Variants in SHOC2 observed in about 807,000 individuals in gnomAD.
The protein encoded by SHOC2 is leucine-rich repeat protein SHOC-2.
In SHOC2, 4 loss-of-function variants were observed where a neutral mutation model predicts 50.2. The ratio of observed to expected loss-of-function variants is 0.08; its 90% confidence interval spans 0.04 to 0.18. The LOEUF is 0.18. Among genes scored for constraint, SHOC2 ranks in the 10% least tolerant of loss-of-function variants. The pLI is 1.00. For synonymous variants in SHOC2, 218 were observed against 244.5 expected (o/e 0.89, Z 1.01); for missense variants, 388 against 669.6 (o/e 0.58, Z 4.64).
intron 1 of SHOC2, among the ~76,000 whole-genome samples, chr10:110,949,130 G>A (rs1847303098): frequency 6.6e-6 from 1 of 152,028 alleles, no homozygotes; most frequent in Non-Finnish European, 1.5e-5. Flanking sequence ...ATGAAATAGG[G>A]ACTAGAACAA....
chr10:110,979,224 G>T (rs1847928987), intron 2 of SHOC2, among the ~76,000 whole-genome samples: 1 of 152,210 alleles, frequency 6.6e-6, no homozygotes, highest in African/African-American at 2.4e-5. Context: ...CTTGCTGTTG[G>T]CTGGAGACTG....
intron 1 of SHOC2, among the ~76,000 whole-genome samples, chr10:110,925,562 A>T (rs1382135746): frequency 6.6e-6 from 1 of 152,076 alleles, no homozygotes; most frequent in Non-Finnish European, 1.5e-5. Flanking sequence ...GGCTCAAGTG[A>T]TCCTCCCACT....
chr10:110,929,831 C>G (rs977763357), intron 1 of SHOC2, among the ~76,000 whole-genome samples: 1 of 152,208 alleles, frequency 6.6e-6, no homozygotes, highest in Non-Finnish European at 1.5e-5. Context: ...GGACACAGTT[C>G]AGGACATAGC....
At chr10:110,987,459 T>C (rs1011640480) in intron 3 of SHOC2, among the ~76,000 whole-genome samples, 1 of 152,204 alleles carries the variant, frequency 6.6e-6, no homozygotes, top group African/African-American at 2.4e-5. Flanking sequence ...CATGACACTA[T>C]CGTATTACTA....
intron 2 of SHOC2, among the ~76,000 whole-genome samples, chr10:110,981,747 T>C (rs1847979812): frequency 6.6e-6 from 1 of 152,134 alleles, no homozygotes; most frequent in African/African-American, 2.4e-5. Flanking sequence ...CATTGATTGA[T>C]TTTCAAATAT....
intron 2 of SHOC2, among the ~76,000 whole-genome samples, chr10:110,984,516 CAT>C: frequency 1.3e-5 from 2 of 152,252 alleles, no homozygotes; most frequent in Middle Eastern, 3.4e-3. Context: ...TAAAATCTAA[CAT>C]CGATTTTTCT....
chr10:110,975,522 C>G (rs1249899596), intron 2 of SHOC2, among the ~76,000 whole-genome samples: 1 of 152,140 alleles, frequency 6.6e-6, no homozygotes, highest in Non-Finnish European at 1.5e-5. Flanking sequence ...AAAGGCTTTC[C>G]TTTTCTTTCA....
intron 1 of SHOC2, among the ~76,000 whole-genome samples, chr10:110,952,817 G>T (rs764311268): frequency 2.6e-5 from 4 of 152,110 alleles, no homozygotes; most frequent in East Asian, 1.9e-4. Context: ...GCAATGTTTG[G>T]TTTTTTGTGC....
At chr10:110,995,882 A>G (rs368740739) in intron 3 of SHOC2, among the ~76,000 whole-genome samples, 8 of 152,158 alleles carry the variant, frequency 5.3e-5, no homozygotes, top group African/African-American at 1.9e-4. Context: ...CTGTTCCTAG[A>G]GACAGAGATG....
chr10:110,984,018 A>G (rs1035145075), intron 2 of SHOC2, among the ~76,000 whole-genome samples: 1 of 152,178 alleles, frequency 6.6e-6, no homozygotes, highest in Non-Finnish European at 1.5e-5. Flanking sequence ...TCTTTTCGAT[A>G]TATACCTTGA....
At chr10:110,999,165 A>C (rs1194148858) in intron 3 of SHOC2, among the ~76,000 whole-genome samples, 1 of 152,234 alleles carries the variant, frequency 6.6e-6, no homozygotes, top group Non-Finnish European at 1.5e-5. Flanking sequence ...TTAATTTAAA[A>C]GTAAAGGCTA....
chr10:110,929,643 T>TATC lies in SHOC2; in HGVS notation c.-235+9987_-235+9989dup, dbSNP rs1301324149. 3.3e-5 allele frequency among the ~76,000 whole-genome samples: 5 copies of TATC among 152,244 alleles called. No individual in the cohort carries two copies. In the South Asian group the frequency reaches 1.0e-3, roughly 31 times the overall value. On this transcript the variant is annotated intron_variant, in intron 1 of 8. Transcript: ENST00000369452. ...GAGTCTCTTACAGGTCTTCCTGCTG[T>TATC]ATCTTCAGTTGGCAGAAAGTGAGAG... is the stretch of plus-strand genomic sequence containing the variant.
chr10:110,938,678 TAAAGG>T (rs1309406771), intron 1 of SHOC2, among the ~76,000 whole-genome samples: 1 of 152,150 alleles, frequency 6.6e-6, no homozygotes, highest in Non-Finnish European at 1.5e-5. Flanking sequence ...AATTTCTACT[TAAAGG>T]AAGAGTATAA....
rs1848576238 is a variant in SHOC2 at position 111,012,052 on chromosome 10, C to T, written c.*234C>T. ...GATGGATGTTTTTCTGTTGTGTAAT[C>T]TGATATGCCAGTTTGCTTAAAACAT... On this transcript the variant is annotated 3_prime_UTR_variant, in exon 9 of 9. Coordinates refer to ENST00000369452, the MANE Select transcript of SHOC2 (RefSeq NM_007373.4). 3.1e-5 allele frequency: 16 copies of T among 524,500 alleles called. No homozygotes were observed. In the South Asian group the frequency reaches 3.6e-4, roughly 12 times the overall value. The allele number at this position is 524,500 out of a possible 1,614,324, so 32.5% of individuals were successfully genotyped here.
intron 2 of SHOC2, among the ~76,000 whole-genome samples, chr10:110,980,546 G>C (rs1847957114): frequency 6.6e-6 from 1 of 152,044 alleles, no homozygotes; most frequent in South Asian, 2.1e-4. Context: ...CTTCAACCTA[G>C]GCTCTGTGTT....
Position 111,011,899 on chromosome 10 carries a change from A to G in SHOC2, c.*81A>G. 1 of 1,117,182 alleles carries G rather than the reference A, an allele frequency of 9.0e-7. No individual in the cohort carries two copies. Among genetic ancestry groups the G allele is most frequent in the Non-Finnish European group, 1.4e-6 (1 of 738,730 alleles). The allele number at this position is 1,117,182 out of a possible 1,614,324, so 69.2% of individuals were successfully genotyped here. A position where few individuals can be genotyped will look rare whatever the true frequency, so the allele number is the denominator to read the frequency against. On this transcript the variant is annotated 3_prime_UTR_variant, in exon 9 of 9. Transcript: ENST00000369452. Reference sequence around the variant, plus strand: ...TATCTATATCTGTATCTATTTATGTAGATATTGGTATATGGCAGATTTATA... The same window carrying G: ...TATCTATATCTGTATCTATTTATGTGGATATTGGTATATGGCAGATTTATA...
At chr10:110,979,923 C>T (rs1386512723) in intron 2 of SHOC2, among the ~76,000 whole-genome samples, 1 of 152,162 alleles carries the variant, frequency 6.6e-6, no homozygotes, top group Non-Finnish European at 1.5e-5. Flanking sequence ...GTAGCCTACT[C>T]ACTAGACAGG....
intron 2 of SHOC2, among the ~76,000 whole-genome samples, chr10:110,977,168 A>G (rs1847893196): frequency 6.6e-6 from 1 of 151,784 alleles, no homozygotes; most frequent in Non-Finnish European, 1.5e-5. Context: ...CTTGTCTTAT[A>G]GTTTCCTCTT....
intron 2 of SHOC2, among the ~76,000 whole-genome samples, chr10:110,969,491 A>G (rs1230523167): frequency 1.3e-5 from 2 of 152,166 alleles, no homozygotes; most frequent in African/African-American, 2.4e-5. Flanking sequence ...TATTCAGGCA[A>G]CTCTAGACAG....
Sources: gnomAD v4.1 joint callset for allele counts (sites outside exome capture counted in the v4.1 genomes callset) on GRCh38, gnomAD v4.1.1 for gene constraint, MANE v1.5 for transcripts, NCBI Gene and HGNC (gene_info 2026-07-23, HGNC 2026-07-21) for gene names.